Variants in RAP1GDS1 observed in about 807,000 individuals in gnomAD.
RAP1GDS1 encodes RAP1, GTP-GDP dissociation stimulator 1.
A neutral mutation model predicts 71.1 loss-of-function variants in RAP1GDS1; 35 were observed. The ratio of observed to expected loss-of-function variants is 0.49; its 90% CI spans 0.38 to 0.65. RAP1GDS1 has a LOEUF of 0.65. RAP1GDS1 is among the 30% of genes least tolerant of loss of function. The pLI, the probability that RAP1GDS1 is intolerant of heterozygous loss-of-function variation, is 0.00. For missense variants in RAP1GDS1, 663 were observed against 706.1 expected, an observed-to-expected ratio of 0.94 and a Z score of 0.69; for synonymous variants, 229 against 243.1, an observed-to-expected ratio of 0.94 and a Z score of 0.54.
At chr4:98,363,508 G>A (rs1341494556) in intron 4 of RAP1GDS1, among the ~76,000 whole-genome samples, 1 of 132,170 alleles carries the variant, frequency 7.6e-6, no homozygotes, top group Non-Finnish European at 1.5e-5. Context: ...AAAAAAAAGT[G>A]TAGTAATTGT....
chr4:98,273,043 G>C (rs946504957), intron 1 of RAP1GDS1, among the ~76,000 whole-genome samples: 1 of 152,140 alleles, frequency 6.6e-6, no homozygotes, highest in African/African-American at 2.4e-5. Context: ...AAGAGGATCA[G>C]CTTTGATGAT....
At chr4:98,418,896 TA>T (rs200087197) in intron 10 of RAP1GDS1, 105 bp downstream of exon 10, 282 of 1,115,836 alleles carry the variant, frequency 2.5e-4, no homozygotes, top group South Asian at 6.2e-4. Context: ...GAAGAAAATT[TA>T]AAAAAAAATA....
At chr4:98,434,351 C>T (rs934009143) in intron 13 of RAP1GDS1, among the ~76,000 whole-genome samples, 2 of 152,150 alleles carry the variant, frequency 1.3e-5, no homozygotes, top group Non-Finnish European at 2.9e-5. Context: ...CAGCAGGCTT[C>T]ACAGAGAAAC....
At chr4:98,267,753 GGCACC>G (rs1205323739) in intron 1 of RAP1GDS1, among the ~76,000 whole-genome samples, 1 of 152,060 alleles carries the variant, frequency 6.6e-6, no homozygotes. Flanking sequence ...ACTATTGATA[GGCACC>G]TGGGTTGTTT....
At chr4:98,325,122 G>C (rs796135867) in intron 2 of RAP1GDS1, among the ~76,000 whole-genome samples, 30 of 151,950 alleles carry the variant, frequency 2.0e-4, no homozygotes, top group Admixed American at 5.2e-4. Context: ...GACATGAACA[G>C]ACACTTCTCA....
At chr4:98,346,087 G>GC (rs1736201136) in intron 3 of RAP1GDS1, among the ~76,000 whole-genome samples, 1 of 152,170 alleles carries the variant, frequency 6.6e-6, no homozygotes, top group South Asian at 2.1e-4. Flanking sequence ...TCAAGAGTGG[G>GC]CCCAACCATC....
At chr4:98,291,944 A>G (rs189356945) in intron 1 of RAP1GDS1, among the ~76,000 whole-genome samples, 4 of 152,254 alleles carry the variant, frequency 2.6e-5, no homozygotes, top group Admixed American at 2.6e-4. Context: ...ATATCAGTGA[A>G]TATCCGCAAT....
At chr4:98,358,199 C>T (rs1263310679) in intron 4 of RAP1GDS1, among the ~76,000 whole-genome samples, 3 of 151,992 alleles carry the variant, frequency 2.0e-5, no homozygotes, top group Admixed American at 1.3e-4. Context: ...ATCAGGATGT[C>T]ATTAATTCCC....
chr4:98,398,382 C>T (rs1744866292), intron 6 of RAP1GDS1, among the ~76,000 whole-genome samples: 1 of 151,910 alleles, frequency 6.6e-6, no homozygotes, highest in Non-Finnish European at 1.5e-5. Context: ...AAATAAATGT[C>T]CTAAGGAATG....
intron 5 of RAP1GDS1, among the ~76,000 whole-genome samples, chr4:98,390,576 C>G (rs1176267778): frequency 6.6e-6 from 1 of 152,068 alleles, no homozygotes; most frequent in Non-Finnish European, 1.5e-5. Flanking sequence ...TTCAGGGACA[C>G]TAAGCCTCTG....
chr4:98,365,615 C>T (rs529515234), intron 4 of RAP1GDS1, among the ~76,000 whole-genome samples: 1 of 152,072 alleles, frequency 6.6e-6, no homozygotes, highest in South Asian at 2.1e-4. Context: ...AGAGCAAGAC[C>T]CTGTCTCAAA....
At chr4:98,266,026 A>G (rs991337092) in intron 1 of RAP1GDS1, among the ~76,000 whole-genome samples, 10 of 152,168 alleles carry the variant, frequency 6.6e-5, no homozygotes, top group African/African-American at 2.4e-4. Context: ...GTGAGAAAAC[A>G]TAGATTTTTA....
At chr4:98,332,216 T>A (rs1734114619) in intron 2 of RAP1GDS1, among the ~76,000 whole-genome samples, 1 of 152,236 alleles carries the variant, frequency 6.6e-6, no homozygotes, top group Admixed American at 6.5e-5. Flanking sequence ...GTTATGACTC[T>A]ACACCTTATT....
At position 98,292,267 on chromosome 4, in the gene RAP1GDS1, A is replaced by C. The variant is rs1313771403; in HGVS notation, c.5-1141A>C. ...TGCAGCCTCCTGAGTAGCTGGGAAT[A>C]CAGGCACATGCCACCATATGCAGTT... On this transcript the variant is annotated intron_variant, in intron 1 of 14. Transcript: ENST00000408927. 4.6e-5 allele frequency among the ~76,000 whole-genome samples: 7 copies of C among 152,130 alleles called. No individual in the cohort carries two copies. In the East Asian group the frequency reaches 1.4e-3, roughly 29 times the overall value.
intron 1 of RAP1GDS1, among the ~76,000 whole-genome samples, chr4:98,262,511 A>C (rs1722168452): frequency 6.6e-6 from 1 of 152,246 alleles, no homozygotes; most frequent in Non-Finnish European, 1.5e-5. Flanking sequence ...TTCAGTAATC[A>C]CAGAAACGTC....
chr4:98,343,365 AT>A, intron 3 of RAP1GDS1, 104 bp downstream of exon 3: 2 of 1,351,218 alleles, frequency 1.5e-6, no homozygotes, highest in Non-Finnish European at 2.0e-6. Flanking sequence ...TAGATTAGAC[AT>A]TTTTTATTTC....
chr4:98,427,465 C>A (rs1749775804), intron 12 of RAP1GDS1, among the ~76,000 whole-genome samples: 1 of 151,818 alleles, frequency 6.6e-6, no homozygotes, highest in Non-Finnish European at 1.5e-5. Context: ...CCTAGAAAAC[C>A]CTAAAGACTC....
At chr4:98,281,041 C>T (rs968453424) in intron 1 of RAP1GDS1, among the ~76,000 whole-genome samples, 4 of 152,100 alleles carry the variant, frequency 2.6e-5, no homozygotes, top group Non-Finnish European at 5.9e-5. Flanking sequence ...AGTCAGGTAG[C>T]ATGATGCCTC....
intron 1 of RAP1GDS1, among the ~76,000 whole-genome samples, chr4:98,286,246 C>T (rs548630066): frequency 6.1e-5 from 9 of 147,790 alleles, no homozygotes; most frequent in Admixed American, 4.1e-4. Context: ...GCCTGGGTTA[C>T]AGAGTGAGAC....
Sources: gnomAD v4.1 joint callset for allele counts (sites outside exome capture counted in the v4.1 genomes callset) on GRCh38, gnomAD v4.1.1 for gene constraint, MANE v1.5 for transcripts, NCBI Gene and HGNC (gene_info 2026-07-23, HGNC 2026-07-21) for gene names.